SH3BP1: variants seen among roughly 807,000 people sequenced by gnomAD.
SH3BP1 encodes the protein SH3 domain binding protein 1.
A neutral mutation model predicts 69.8 loss-of-function variants in SH3BP1; 46 were observed. The observed-to-expected ratio is 0.66, with a 90% CI of 0.52 to 0.84. SH3BP1 has a LOEUF of 0.84. Among genes scored for constraint, SH3BP1 ranks in the 40% least tolerant of loss-of-function variants. The pLI is 0.00. For synonymous variants in SH3BP1, 403 were observed against 378.0 expected, an observed-to-expected ratio of 1.07 and a Z score of -0.77; for missense variants, 868 against 930.9, an observed-to-expected ratio of 0.93 and a Z score of 0.88.
At chr22:37,643,422 C>T (rs1215924729) in intron 6 of SH3BP1, 6 of 676,152 alleles carry the variant, frequency 8.9e-6, no homozygotes, top group Non-Finnish European at 1.5e-5. Flanking sequence ...CCTGCGGCAG[C>T]CCTGTTCTCC....
In SH3BP1 at chr22:37,644,977, G is replaced by T; in HGVS notation, c.778+17G>T. On this transcript the variant is annotated intron_variant, in intron 9 of 17. Coordinates refer to ENST00000649765, the MANE Select transcript of SH3BP1 (RefSeq NM_018957.6). ...GCCAAGCAGGTGGGGACATAGGCCCGGCGATACCACACCCCTGACCCTGCC... is the reference window on the plus strand; with the variant it reads ...GCCAAGCAGGTGGGGACATAGGCCCTGCGATACCACACCCCTGACCCTGCC... 7 of 1,608,880 alleles carry T rather than the reference G, an allele frequency of 4.4e-6. No individual in the cohort carries two copies. Among genetic ancestry groups the T allele is most frequent in the Non-Finnish European group, 6.0e-6 (7 of 1,176,206 alleles).
In SH3BP1 at chr22:37,655,821, G is replaced by T; in HGVS notation, c.*137G>T. The T allele has an allele frequency of 6.8e-7, 1 of 1,466,402 alleles. No individual in the cohort carries two copies. The highest frequency in any genetic ancestry group is 9.0e-7 in the Non-Finnish European group (1 of 1,115,798). 90.8% of individuals were successfully genotyped at this position (1,466,402 alleles called of 1,614,324 possible). ...AAGTGCCTCAGTGCCCACTGGGTCG[G>T]CCCCCATGGCCAGGAGGGCTCAGGA... On this transcript the variant is annotated 3_prime_UTR_variant, in exon 18 of 18. Coordinates refer to ENST00000649765, the MANE Select transcript of SH3BP1 (RefSeq NM_018957.6).
intron 13 of SH3BP1, 103 bp from the exon 14 acceptor site, chr22:37,648,216 C>A (rs1932816707): frequency 1.3e-6 from 1 of 776,084 alleles, no homozygotes; most frequent in Non-Finnish European, 2.1e-6. Context: ...AATGTTAAGA[C>A]CATTCTGGGC....
At chr22:37,645,308 T>C in intron 9 of SH3BP1, 57 bp from the exon 10 acceptor site, 1 of 1,560,168 alleles carries the variant, frequency 6.4e-7, no homozygotes. Flanking sequence ...GGGGTGCCCC[T>C]GCCTGACTGC....
In SH3BP1 at chr22:37,650,648, A is replaced by G; in HGVS notation, c.1521A>G (p.Pro507=). Residue 507 remains proline, a synonymous_variant, in exon 16 of 18, where the codon CCA becomes CCG. Transcript: ENST00000649765. ...EELPSTAVPT[P]ATTPAPAPAP... ...TTCCGTCCACTGCCGTGCCCACCCC[A>G]GCCACCACCCCGGCTCCGGCTCCGG... 1.2e-6 allele frequency: 2 copies of G among 1,613,796 alleles called. No homozygotes were observed. The highest frequency in any genetic ancestry group is 1.7e-6 in the Non-Finnish European group (2 of 1,179,880).
intron 16 of SH3BP1, among the ~76,000 whole-genome samples, chr22:37,651,346 T>TA (rs561332293): frequency 4.6e-5 from 7 of 151,568 alleles, no homozygotes; most frequent in Non-Finnish European, 1.0e-4. Flanking sequence ...TTTTTTTTTT[T>TA]TTTTTCTGAG....
Position 37,643,148 on chromosome 22 carries a change from G to C in SH3BP1, c.447G>C (p.Val149=). Residue 149 remains valine, a synonymous_variant, in exon 6 of 18, where the codon GTG becomes GTC. Coordinates refer to ENST00000649765, the MANE Select transcript of SH3BP1 (RefSeq NM_018957.6). ...LKHKKSLQKL[V]SDWNTLKSRL... ...ACAAGAAAAGCCTCCAGAAGCTCGT[G>C]TCCGACTGGAACACACTCAAGAGCA... is the stretch of plus-strand genomic sequence containing the variant. The C allele has an allele frequency of 1.2e-6, 2 of 1,608,260 alleles. No individual in the cohort carries two copies. Among genetic ancestry groups the C allele is most frequent in the Non-Finnish European group, 1.7e-6 (2 of 1,177,558 alleles).
intron 16 of SH3BP1, among the ~76,000 whole-genome samples, chr22:37,651,092 G>A (rs1219439640): frequency 2.6e-5 from 4 of 152,134 alleles, no homozygotes; most frequent in Admixed American, 6.5e-5. Context: ...AGAGTGCAGT[G>A]GCACAATCTT....
chr22:37,641,626 T>C, intron 3 of SH3BP1, 148 bp downstream of exon 3: 1 of 673,580 alleles, frequency 1.5e-6, no homozygotes, highest in Non-Finnish European at 2.5e-6. Flanking sequence ...CCTCTGGCAC[T>C]GCACTCAAGA....
Position 37,655,536 on chromosome 22 carries a change from G to C in SH3BP1, c.1958G>C (p.Ser653Thr), listed in dbSNP as rs769434685. ...SPASPGPASP[S>T]PVSLSNPAQV... ...GCCTCCCCAGGTCCAGCCTCCCCCA[G>C]CCCAGTCTCTTTGAGTAACCCTGCA... Residue 653 changes from serine (S) to threonine (T), a missense_variant, in exon 18 of 18, where the codon AGC (serine) becomes ACC (threonine). Transcript: ENST00000649765. The C allele has an allele frequency of 1.3e-6, 2 of 1,504,774 alleles. No homozygotes were observed. The highest frequency in any genetic ancestry group is 2.9e-5 in the African/African-American group (2 of 68,574). The allele number at this position is 1,504,774 out of a possible 1,614,324, so 93.2% of individuals were successfully genotyped here.
rs768500539 is a variant in SH3BP1, at chr22:37,639,782, C to T, written c.-6C>T. On this transcript the variant is annotated 5_prime_UTR_variant, in exon 1 of 18. Transcript: ENST00000649765. ...GTGACCCCGCAGCCCCCAGCTCGCC[C>T]CCAAGATGATGAAGAGGCAGCTGCA... is the stretch of plus-strand genomic sequence containing the variant. 1.3e-6 allele frequency: 2 copies of T among 1,539,464 alleles called. No individual in the cohort carries two copies. Among genetic ancestry groups the T allele is most frequent in the Non-Finnish European group, 1.7e-6 (2 of 1,144,644 alleles).
chr22:37,647,458 C>T lies in SH3BP1; in HGVS notation c.1136C>T (p.Ala379Val). ...CCCCCCAGCCTGAAGGAGCCAGGGGCCCGGCTGCAGGCCCTCCAAGAGGTG... is the reference window on the plus strand; with the variant it reads ...CCCCCCAGCCTGAAGGAGCCAGGGGTCCGGCTGCAGGCCCTCCAAGAGGTG... ...MRAASLKEPG[A>V]RLQALQEVCS... Residue 379 changes from alanine (A) to valine (V), a missense_variant, in exon 13 of 18, where the codon GCC (alanine) becomes GTC (valine). By Grantham distance (64) the Ala-to-Val change is moderately conservative (BLOSUM62 0). Around this residue, in one of 3 missense-constraint regions of SH3BP1, gnomAD observed 474 missense variants for 462.3 expected, o/e 1.03. Transcript: ENST00000649765. 6.2e-7 allele frequency: 1 copy of T among 1,611,424 alleles called. No homozygotes were observed. The highest frequency in any genetic ancestry group is 8.5e-7 in the Non-Finnish European group (1 of 1,179,516).
At position 37,641,183 on chromosome 22, in the gene SH3BP1, C is replaced by G. The variant is rs766539910; in HGVS notation, c.102+15C>G. 3.0e-5 allele frequency: 46 copies of G among 1,547,974 alleles called. No homozygotes were observed. The East Asian group carries it at 1.1e-3, about 38-fold the overall frequency. ...ACCTGCTGCAGGTACGTGCCTGGGC[C>G]GGGCAGGTGGGAAGGCAGGCCTGTG... is the stretch of plus-strand genomic sequence containing the variant. On this transcript the variant is annotated intron_variant, in intron 2 of 17. Transcript: ENST00000649765.
chr22:37,647,262 T>A lies in SH3BP1; in HGVS notation c.1037-5T>A, dbSNP rs1932800803. 1 of 1,613,820 alleles carries A rather than the reference T, an allele frequency of 6.2e-7. No homozygotes were observed. On this transcript the variant is annotated splice_polypyrimidine_tract_variant and splice_region_variant and intron_variant, in intron 11 of 17. Transcript: ENST00000649765. Reference sequence around the variant, plus strand: ...CCTCTGACCCTCCCCACACCCCTCCTTCAGGTGCCCTCAAGTCCTATCTGC... The same window carrying A: ...CCTCTGACCCTCCCCACACCCCTCCATCAGGTGCCCTCAAGTCCTATCTGC...
intron 3 of SH3BP1, chr22:37,641,863 C>T (rs971221231): frequency 1.4e-5 from 3 of 217,142 alleles, no homozygotes; most frequent in South Asian, 6.8e-5. Context: ...GGCTGATAAC[C>T]GCCAGCTTGT....
Position 37,643,673 on chromosome 22 carries a change from G to T in SH3BP1, c.503G>T (p.Ser168Ile), listed in dbSNP as rs763498650. 3.1e-6 allele frequency: 5 copies of T among 1,614,188 alleles called. No homozygotes were observed. The South Asian group carries it at 4.4e-5, about 14-fold the overall frequency. ...AGTCAGGCAACCAAGAATTCAGGCA[G>T]CAGTCAAGGCCTAGGAGGCAGCCCG... is the stretch of plus-strand genomic sequence containing the variant. Reference protein sequence around the residue: ...RLSQATKNSGSSQGLGGSPGS... With the variant: ...RLSQATKNSGISQGLGGSPGS... Residue 168 changes from serine (S) to isoleucine (I), a missense_variant, in exon 7 of 18, where the codon AGC becomes ATC. Ser to Ile is a moderately radical substitution (Grantham distance 142, BLOSUM62 -2). Transcript: ENST00000649765.
At chr22:37,650,410 T>C in intron 15 of SH3BP1, 132 bp from the exon 16 acceptor site, 1 of 1,490,330 alleles carries the variant, frequency 6.7e-7, no homozygotes. Flanking sequence ...GGGGTGGTGG[T>C]GAGGCTCACA....
Position 37,645,628 on chromosome 22 carries a change from G to A in SH3BP1, c.924+118G>A. The A allele has an allele frequency of 1.9e-5, 23 of 1,222,324 alleles. No individual in the cohort carries two copies. In the South Asian group the frequency reaches 3.4e-4, roughly 18 times the overall value. The allele number at this position is 1,222,324 out of a possible 1,614,324, so 75.7% of individuals were successfully genotyped here. On this transcript the variant is annotated intron_variant, in intron 10 of 17. Coordinates refer to ENST00000649765, the MANE Select transcript of SH3BP1 (RefSeq NM_018957.6). ...TCCCTCATTCGAGCCCAGCTCCCTGGGAGAAGACATGACTGCCTCCTGCGG... is the reference window on the plus strand; with the variant it reads ...TCCCTCATTCGAGCCCAGCTCCCTGAGAGAAGACATGACTGCCTCCTGCGG...
Position 37,644,977 on chromosome 22 carries a change from G to A in SH3BP1, c.778+17G>A, listed in dbSNP as rs200559360. On this transcript the variant is annotated intron_variant, in intron 9 of 17. Transcript: ENST00000649765. ...GCCAAGCAGGTGGGGACATAGGCCC[G>A]GCGATACCACACCCCTGACCCTGCC... 3.2e-5 allele frequency: 52 copies of A among 1,608,880 alleles called. No homozygotes were observed. The highest frequency in any genetic ancestry group is 1.7e-4 in the Middle Eastern group (1 of 6,048).
Sources: gnomAD v4.1 joint callset for allele counts (sites outside exome capture counted in the v4.1 genomes callset) on GRCh38, gnomAD v4.1.1 for gene constraint, gnomAD v4.1.1 regional missense constraint, MANE v1.5 for transcripts, NCBI Gene and HGNC (gene_info 2026-07-23, HGNC 2026-07-21) for gene names.